MUC22: variants seen among roughly 807,000 people sequenced by gnomAD.
MUC22 encodes mucin-22.
Under a neutral mutation model 40.3 loss-of-function variants are expected in MUC22, and 24 were observed. That is an observed-to-expected ratio of 0.60 (90% CI 0.43 to 0.84). The LOEUF is 0.84. MUC22 is among the 40% of genes least tolerant of loss of function. The pLI is 0.00. For synonymous variants in MUC22, 765 were observed against 844.5 expected, an observed-to-expected ratio of 0.91 and a Z score of 1.63; for missense variants, 1,926 against 2,130.7, an observed-to-expected ratio of 0.90 and a Z score of 1.89.
At position 31,032,527 on chromosome 6, in the gene MUC22, C is replaced by T. The variant is rs1319378241; in HGVS notation, c.5001C>T (p.Ser1667=). The stretch of plus-strand genomic sequence containing the variant: ...AGCCCTGGGCTATCATCCTCATTTC[C>T]CTGGCTGCAGTTGTGGCTGCTGTTG... Residue 1667 remains serine (S), a synonymous_variant, in exon 3 of 4, where the codon TCC becomes TCT. Transcript: ENST00000561890. This position sits in a 1 kb window ranked among gnomAD's most constrained non-coding sequence, Gnocchi z 4.1. 2 of 1,535,532 alleles carry T rather than the reference C, an allele frequency of 1.3e-6. No individual in the cohort carries two copies. Among genetic ancestry groups the T allele is most frequent in the Non-Finnish European group, 1.7e-6 (2 of 1,146,906 alleles).
At chr6:31,013,550 T>C (rs1214850135) in intron 1 of MUC22, among the ~76,000 whole-genome samples, 4 of 152,230 alleles carry the variant, frequency 2.6e-5, no homozygotes, top group African/African-American at 9.6e-5. Flanking sequence ...AAAGAAATAC[T>C]TGTAGTCCTA....
At chr6:31,023,176 AAAG>A (rs1001373359) in intron 1 of MUC22, among the ~76,000 whole-genome samples, 37 of 88,138 alleles carry the variant, frequency 4.2e-4, no homozygotes, top group Non-Finnish European at 5.8e-4. Flanking sequence ...TAAAAAAAAA[AAAG>A]GCGAAAAATG....
chr6:31,023,233 T>C (rs1256102352), intron 1 of MUC22, among the ~76,000 whole-genome samples: 3 of 149,868 alleles, frequency 2.0e-5, no homozygotes. Context: ...AGAAAACAAA[T>C]ATGAAGACTA....
intron 1 of MUC22, among the ~76,000 whole-genome samples, chr6:31,013,555 G>A (rs1253366435): frequency 6.6e-6 from 1 of 152,148 alleles, no homozygotes; most frequent in African/African-American, 2.4e-5. Context: ...AATACTTGTA[G>A]TCCTACAAGG....
intron 1 of MUC22, among the ~76,000 whole-genome samples, chr6:31,022,293 G>A (rs1043603053): frequency 6.6e-6 from 1 of 152,108 alleles, no homozygotes; most frequent in Non-Finnish European, 1.5e-5. Context: ...GAGTAGCTGG[G>A]ATTACAGGCA....
At chr6:31,034,459 C>T (rs1766295818) in intron 3 of MUC22, among the ~76,000 whole-genome samples, 1 of 151,982 alleles carries the variant, frequency 6.6e-6, no homozygotes, top group Admixed American at 6.6e-5. Context: ...AATAAGGTAA[C>T]AAGGAAGCTT....
At chr6:31,016,561 G>C (rs1455014351) in intron 1 of MUC22, among the ~76,000 whole-genome samples, 1 of 152,220 alleles carries the variant, frequency 6.6e-6, no homozygotes, top group African/African-American at 2.4e-5. Flanking sequence ...TAGGTAATGT[G>C]GGTTTTACAT....
intron 1 of MUC22, among the ~76,000 whole-genome samples, chr6:31,020,861 C>G (rs1764653815): frequency 6.6e-6 from 1 of 152,216 alleles, no homozygotes; most frequent in Non-Finnish European, 1.5e-5. Flanking sequence ...GGCTTAGCAC[C>G]CGGGCCAGTG....
upstream of MUC22, among the ~76,000 whole-genome samples, chr6:31,008,550 TTC>T (rs1763658699): frequency 7.7e-6 from 1 of 129,904 alleles, no homozygotes; most frequent in South Asian, 2.6e-4. Flanking sequence ...TTCTTTTTCT[TTC>T]TTTTTTTTTT....
intron 1 of MUC22, among the ~76,000 whole-genome samples, chr6:31,017,988 G>C (rs1187273692): frequency 6.6e-5 from 10 of 152,226 alleles, no homozygotes. Flanking sequence ...TGAGGCCAGT[G>C]AGATCACGAA....
In MUC22 at chr6:31,026,611, T is replaced by C. The variant is rs1192619942; in HGVS notation, c.1180T>C (p.Ser394Pro). 5.3e-6 allele frequency: 8 copies of C among 1,507,330 alleles called. 1 individual carries two copies. Among genetic ancestry groups the C allele is most frequent in the Admixed American group, 2.0e-5 (1 of 49,026 alleles). 93.4% of individuals were successfully genotyped at this position (1,507,330 alleles called of 1,614,324 possible). ...GACCACCGTCACCTCTACTGCAGGC[T>C]CTGAGACCACCACAGTCTCCACCGT... Residue 394 changes from serine to proline, a missense_variant, in exon 2 of 4, where the codon TCT becomes CCT. Coordinates refer to ENST00000561890, the Ensembl canonical transcript of MUC22.
chr6:31,035,005 C>T (rs1766351743), exon 4 of MUC22: 5 of 1,461,172 alleles, frequency 3.4e-6, no homozygotes, highest in Non-Finnish European at 4.5e-6. Context: ...ATGGCTGTGG[C>T]CATAGATTGG....
upstream of MUC22, among the ~76,000 whole-genome samples, chr6:31,009,205 C>T (rs1001958738): frequency 1.9e-4 from 29 of 152,096 alleles, no homozygotes; most frequent in African/African-American, 6.8e-4. Flanking sequence ...GTGCTCAAGT[C>T]GTTGAATTTT....
At chr6:31,016,576 G>A (rs1255246632) in intron 1 of MUC22, among the ~76,000 whole-genome samples, 1 of 152,244 alleles carries the variant, frequency 6.6e-6, no homozygotes, top group Admixed American at 6.5e-5. Flanking sequence ...TTACATTTCA[G>A]GGTGTAAGCA....
upstream of MUC22, among the ~76,000 whole-genome samples, chr6:31,009,402 A>G (rs1763720313): frequency 6.6e-6 from 1 of 151,884 alleles, no homozygotes; most frequent in Non-Finnish European, 1.5e-5. Flanking sequence ...ACACTCACCT[A>G]CCCGCTTTCC....
chr6:31,027,624 A>G lies in MUC22; in HGVS notation c.2193A>G (p.Thr731=), dbSNP rs927798835. ...CTGAGACCAAAACAGCCTATACTAC[A>G]GGCTCTGAGACCACCACAGCCTCTA... The change falls in exon 2 of 4, where the codon ACA becomes ACG. Residue 731 remains threonine (T), a synonymous_variant. Transcript: ENST00000561890. 7 of 1,528,270 alleles carry G rather than the reference A, an allele frequency of 4.6e-6. No homozygotes were observed. In the East Asian group the frequency reaches 1.7e-4, roughly 38 times the overall value. 94.7% of individuals were successfully genotyped at this position (1,528,270 alleles called of 1,614,324 possible). A position where few individuals can be genotyped will look rare whatever the true frequency, so the allele number is the denominator to read the frequency against.
At chr6:31,025,968 C>T (rs1306011427) in exon 2 of MUC22, 31 of 1,534,216 alleles carry the variant, frequency 2.0e-5, no homozygotes, top group Non-Finnish European at 2.6e-5. Flanking sequence ...CCATGGCCTC[C>T]ACCACAGGCT....
In MUC22 at chr6:31,012,381, C is replaced by G. The variant is rs112585549; in HGVS notation, c.70+1605C>G. Among the ~76,000 whole-genome samples the G allele has an allele frequency of 3.4e-3, 516 of 152,306 alleles. 11 individuals are homozygous for G. The South Asian group carries it at 0.058, about 17-fold the overall frequency. On this transcript the variant is annotated intron_variant, in intron 1 of 3. Transcript: ENST00000561890. The stretch of plus-strand genomic sequence containing the variant: ...CCTGAATGCTTCAACTGTTCTCTAC[C>G]TACCCATGCCTTCCAGATCTGCCCG...
intron 1 of MUC22, among the ~76,000 whole-genome samples, chr6:31,012,409 G>A (rs1001062150): frequency 5.9e-5 from 9 of 152,060 alleles, no homozygotes; most frequent in Non-Finnish European, 1.3e-4. Flanking sequence ...TCTGCCCGTC[G>A]CCTGTCCTAA....
Sources: allele counts gnomAD v4.1 joint callset (sites outside exome capture counted in the v4.1 genomes callset), GRCh38; gene constraint gnomAD v4.1.1; non-coding constraint Gnocchi (gnomAD v3.1); transcripts MANE v1.5; gene names NCBI Gene and HGNC (gene_info 2026-07-23, HGNC 2026-07-21).